ANKS1B: variants seen among roughly 807,000 people sequenced by gnomAD.
ANKS1B encodes ankyrin repeat and sterile alpha motif domain-containing protein 1B.
Under a neutral mutation model 148.3 loss-of-function variants are expected in ANKS1B, and 36 were observed. That is an observed-to-expected ratio of 0.24 (90% CI 0.19 to 0.32). ANKS1B has a LOEUF of 0.32. ANKS1B is among the 10% of genes least tolerant of loss of function. The probability of loss-of-function intolerance (pLI) is 1.00; values close to 1 mark genes in which losing one functional copy is unlikely to be tolerated. For missense variants in ANKS1B, 1,157 were observed against 1,542.6 expected (o/e 0.75, Z 4.19); for synonymous variants, 542 against 560.8 (o/e 0.97, Z 0.47).
intron 11 of ANKS1B, among the ~76,000 whole-genome samples, chr12:99,440,115 C>T (rs915817501): frequency 3.1e-4 from 47 of 151,792 alleles, no homozygotes; most frequent in African/African-American, 1.1e-3. Flanking sequence ...TGATAAAAAT[C>T]TGAACATTCT....
At chr12:99,758,511 C>A (rs1392735787) in intron 8 of ANKS1B, among the ~76,000 whole-genome samples, 4 of 151,150 alleles carry the variant, frequency 2.6e-5, no homozygotes, top group Admixed American at 1.3e-4. Context: ...CTGCAAGGTA[C>A]TATTATTCTT....
chr12:98,950,128 G>A (rs1449455732), intron 17 of ANKS1B, among the ~76,000 whole-genome samples: 2 of 152,236 alleles, frequency 1.3e-5, no homozygotes, highest in African/African-American at 4.8e-5. Flanking sequence ...AAGACCGTAG[G>A]TCAGGTTCAA....
chr12:98,798,311 G>A (rs1236019057), intron 22 of ANKS1B, among the ~76,000 whole-genome samples: 2 of 151,778 alleles, frequency 1.3e-5, no homozygotes, highest in Non-Finnish European at 2.9e-5. Context: ...TAGTAAGAGG[G>A]GTTTTGCCAT....
chr12:99,143,487 T>G (rs1448646486), intron 15 of ANKS1B, among the ~76,000 whole-genome samples: 1 of 152,100 alleles, frequency 6.6e-6, no homozygotes, highest in Non-Finnish European at 1.5e-5. Flanking sequence ...TAAGGTGTTG[T>G]TTCTGTGTCT....
chr12:99,527,978 C>T (rs1233725895), intron 9 of ANKS1B, among the ~76,000 whole-genome samples: 2 of 151,442 alleles, frequency 1.3e-5, no homozygotes, highest in Non-Finnish European at 2.9e-5. Context: ...CTATATACTA[C>T]AAGGCTACAG....
intron 14 of ANKS1B, among the ~76,000 whole-genome samples, chr12:99,158,775 A>G (rs572160347): frequency 3.3e-5 from 5 of 152,128 alleles, no homozygotes; most frequent in Non-Finnish European, 7.4e-5. Flanking sequence ...CTTCCCTGCA[A>G]CTCATCTCCA....
At chr12:99,892,901 T>A (rs1356473373) in intron 1 of ANKS1B, among the ~76,000 whole-genome samples, 1 of 152,136 alleles carries the variant, frequency 6.6e-6, no homozygotes, top group African/African-American at 2.4e-5. Flanking sequence ...AGAATGCTTA[T>A]AGAGAGGCTA....
intron 5 of ANKS1B, 142 bp downstream of exon 5, chr12:99,781,875 TTCTAC>T: frequency 1.5e-6 from 1 of 648,732 alleles, no homozygotes; most frequent in Non-Finnish European, 2.6e-6. Flanking sequence ...TGAAACTCAG[TTCTAC>T]ATAATATGAA....
At chr12:99,319,577 C>T (rs61940250) in intron 12 of ANKS1B, among the ~76,000 whole-genome samples, 10 of 152,192 alleles carry the variant, frequency 6.6e-5, no homozygotes, top group Admixed American at 3.3e-4. Context: ...TGTCTCTGCA[C>T]GTGAGATGGG....
intron 19 of ANKS1B, among the ~76,000 whole-genome samples, chr12:98,817,809 C>A (rs2099153406): frequency 6.6e-6 from 1 of 152,190 alleles, no homozygotes; most frequent in Non-Finnish European, 1.5e-5. Flanking sequence ...TGCCATTTCT[C>A]CATCTTTCTG....
At chr12:99,174,395 T>G (rs1448393192) in intron 14 of ANKS1B, among the ~76,000 whole-genome samples, 1 of 152,212 alleles carries the variant, frequency 6.6e-6, no homozygotes, top group Non-Finnish European at 1.5e-5. Flanking sequence ...GATTATAAAA[T>G]GTATGCTGTT....
intron 17 of ANKS1B, among the ~76,000 whole-genome samples, chr12:98,880,754 C>T (rs1008853176): frequency 2.6e-5 from 4 of 151,820 alleles, no homozygotes; most frequent in Admixed American, 6.6e-5. Flanking sequence ...GGCGACACAG[C>T]GAGACTCCGT....
chr12:99,752,894 T>TA (rs1264618681), intron 8 of ANKS1B, among the ~76,000 whole-genome samples: 4 of 151,956 alleles, frequency 2.6e-5, no homozygotes, highest in Non-Finnish European at 5.9e-5. Flanking sequence ...ATGTAAGAGG[T>TA]AAAATATGTC....
chr12:99,367,129 G>A (rs1030474719), intron 12 of ANKS1B, among the ~76,000 whole-genome samples: 15 of 152,228 alleles, frequency 9.9e-5, no homozygotes, highest in Admixed American at 7.2e-4. Context: ...GCCAAAAAAC[G>A]TGGGGAGAGG....
At chr12:99,126,106 T>C (rs928907733) in intron 15 of ANKS1B, among the ~76,000 whole-genome samples, 3 of 152,216 alleles carry the variant, frequency 2.0e-5, no homozygotes, top group African/African-American at 7.2e-5. Context: ...TGAAAATTAA[T>C]TGGAACATGT....
chr12:99,445,140 G>T (rs560832309), intron 10 of ANKS1B, among the ~76,000 whole-genome samples: 12 of 152,124 alleles, frequency 7.9e-5, no homozygotes, highest in Non-Finnish European at 1.6e-4. Context: ...AGATGGGGTG[G>T]TCTTCTGAGT....
chr12:99,847,850 G>A (rs1417669624), intron 1 of ANKS1B, among the ~76,000 whole-genome samples: 3 of 152,068 alleles, frequency 2.0e-5, no homozygotes, highest in African/African-American at 7.2e-5. Flanking sequence ...AGGAATAACC[G>A]ACAAATTCAG....
intron 10 of ANKS1B, among the ~76,000 whole-genome samples, chr12:99,488,952 G>A (rs1232441247): frequency 3.9e-5 from 6 of 152,068 alleles, no homozygotes; most frequent in Admixed American, 3.9e-4. Flanking sequence ...TAAGAAAAAT[G>A]TTTAAATTAA....
chr12:99,500,228 C>T (rs556788770), intron 10 of ANKS1B, among the ~76,000 whole-genome samples: 3 of 152,138 alleles, frequency 2.0e-5, no homozygotes, highest in Non-Finnish European at 4.4e-5. Flanking sequence ...CTCACCAGAA[C>T]CTGACCATGC....
Sources: gnomAD v4.1 joint callset for allele counts (sites outside exome capture counted in the v4.1 genomes callset) on GRCh38, gnomAD v4.1.1 for gene constraint, MANE v1.5 for transcripts, NCBI Gene and HGNC (gene_info 2026-07-23, HGNC 2026-07-21) for gene names.